The following GTF2H5 variants were observed in gnomAD, a reference collection of about 807,000 sequenced individuals.
The protein encoded by GTF2H5 is general transcription factor IIH subunit 5, also known as TFB5 ortholog.
Under a neutral mutation model 7.1 loss-of-function variants are expected in GTF2H5, and 5 were observed. The ratio of observed to expected loss-of-function variants is 0.71; its 90% CI spans 0.37 to 1.49. The LOEUF is 1.49. Ranked by LOEUF, GTF2H5 falls within the 40% of genes most tolerant of loss-of-function variation. The pLI is 0.03. For missense variants in GTF2H5, 80 were observed against 83.0 expected (o/e 0.96, Z 0.14); for synonymous variants, 30 against 31.7 (o/e 0.95, Z 0.18).
At chr6:158,181,557 G>A (rs908282832) in intron 2 of GTF2H5, among the ~76,000 whole-genome samples, 1 of 152,192 alleles carries the variant, frequency 6.6e-6, no homozygotes, top group African/African-American at 2.4e-5. Flanking sequence ...GGGTCCCCCT[G>A]TATTGGGTGC....
chr6:158,174,583 A>G (rs954849828), intron 2 of GTF2H5, among the ~76,000 whole-genome samples: 1 of 152,232 alleles, frequency 6.6e-6, no homozygotes, highest in African/African-American at 2.4e-5. Flanking sequence ...TCCACCATCA[A>G]TTGCCAGGCT....
Position 158,197,534 on chromosome 6 carries a change from TC to T in GTF2H5, c.*5378del, listed in dbSNP as rs1777132182. 6.6e-6 allele frequency: 1 copy of T among 152,174 alleles called. No individual in the cohort carries two copies. The highest frequency in any genetic ancestry group is 1.5e-5 in the Non-Finnish European group (1 of 68,034). 9.4% of individuals were successfully genotyped at this position (152,174 alleles called of 1,614,324 possible). ...CCCAGTCACAGCAAGAGCAGATTGA[TC>T]AAGAGCAAAGGTCATGGTAACAGTT... On this transcript the variant is annotated 3_prime_UTR_variant, in exon 3 of 3. Coordinates refer to ENST00000607778, the MANE Select transcript of GTF2H5 (RefSeq NM_207118.3).
chr6:158,192,322 G>A lies in GTF2H5; in HGVS notation c.*165G>A, dbSNP rs1328607474. ...TGTTCAGAAAAAAAGCCCCTGAACT[G>A]ATTTTGTTACCATAGAATTTAAAAA... On this transcript the variant is annotated 3_prime_UTR_variant, in exon 3 of 3. Coordinates refer to ENST00000607778, the MANE Select transcript of GTF2H5 (RefSeq NM_207118.3). 1 of 575,874 alleles carries A rather than the reference G, an allele frequency of 1.7e-6. No individual in the cohort carries two copies. The highest frequency in any genetic ancestry group is 3.0e-5 in the East Asian group (1 of 33,824). The allele number at this position is 575,874 out of a possible 1,614,324, so 35.7% of individuals were successfully genotyped here. A position where few individuals can be genotyped will look rare whatever the true frequency, so the allele number is the denominator to read the frequency against.
chr6:158,171,342 A>C (rs1785853822), intron 2 of GTF2H5, among the ~76,000 whole-genome samples: 2 of 152,226 alleles, frequency 1.3e-5, no homozygotes, highest in Admixed American at 1.3e-4. Context: ...TTCATCTTCA[A>C]AGTCGAATGG....
At chr6:158,175,319 C>A (rs1309442063) in intron 2 of GTF2H5, among the ~76,000 whole-genome samples, 1 of 152,182 alleles carries the variant, frequency 6.6e-6, no homozygotes, top group Non-Finnish European at 1.5e-5. Flanking sequence ...AATGAGGAGG[C>A]TGTTGTCTTC....
intron 2 of GTF2H5, chr6:158,190,950 A>G (rs753235042): frequency 5.8e-6 from 3 of 515,418 alleles, no homozygotes; most frequent in African/African-American, 1.9e-5. Flanking sequence ...AAGAAATTGT[A>G]TCCCTCTTTT....
chr6:158,174,945 AGCCT>A (rs1785908961), intron 2 of GTF2H5, among the ~76,000 whole-genome samples: 1 of 151,684 alleles, frequency 6.6e-6, no homozygotes, highest in South Asian at 2.1e-4. Flanking sequence ...ATCTTTTCTC[AGCCT>A]TTGCCTCTTA....
Position 158,194,697 on chromosome 6 carries a change from C to G in GTF2H5, c.*2540C>G, listed in dbSNP as rs192341195. On this transcript the variant is annotated 3_prime_UTR_variant, in exon 3 of 3. Transcript: ENST00000607778. ...GGGGTGGGTAAGGAGTCCTTGATGT[C>G]CTGTAAATGAAGGAACCAAATGGAG... 1 of 152,162 alleles carries G rather than the reference C, an allele frequency of 6.6e-6. No individual in the cohort carries two copies. The highest frequency in any genetic ancestry group is 6.5e-5 in the Admixed American group (1 of 15,282). The allele number at this position is 152,162 out of a possible 1,614,324, so 9.4% of individuals were successfully genotyped here.
intron 2 of GTF2H5, among the ~76,000 whole-genome samples, chr6:158,183,958 A>G (rs1358720614): frequency 6.6e-6 from 1 of 152,222 alleles, no homozygotes; most frequent in Non-Finnish European, 1.5e-5. Context: ...TCAGTTGGAA[A>G]TGCAGAAATC....
chr6:158,191,946 C>G, intron 2 of GTF2H5, 31 bp from the exon 3 acceptor site: 1 of 1,568,560 alleles, frequency 6.4e-7, no homozygotes, highest in Non-Finnish European at 8.8e-7. Flanking sequence ...TGACAACAAG[C>G]TGTCTTACAA....
At position 158,193,370 on chromosome 6, in the gene GTF2H5, G is replaced by A. The variant is rs12207483; in HGVS notation, c.*1213G>A. 0.021 allele frequency: 3,250 copies of A among 152,202 alleles called. 51 individuals are homozygous for A. Among genetic ancestry groups the A allele is most frequent in the Non-Finnish European group, 0.03 (2,054 of 68,020 alleles). The allele number at this position is 152,202 out of a possible 1,614,324, so 9.4% of individuals were successfully genotyped here. On this transcript the variant is annotated 3_prime_UTR_variant, in exon 3 of 3. Coordinates refer to ENST00000607778, the MANE Select transcript of GTF2H5 (RefSeq NM_207118.3). ...AGGCAAAAACAGTAACACTGAGAGG[G>A]GCTTTGCTTCCCTTCCTGAAGATCA...
intron 2 of GTF2H5, among the ~76,000 whole-genome samples, chr6:158,173,353 A>C (rs1169720783): frequency 6.6e-6 from 1 of 152,194 alleles, no homozygotes; most frequent in Non-Finnish European, 1.5e-5. Flanking sequence ...TTTTGGGCCT[A>C]AGAAATAACA....
intron 1 of GTF2H5, among the ~76,000 whole-genome samples, chr6:158,169,301 ATAAT>A (rs1479820606): frequency 8.2e-6 from 1 of 122,404 alleles, no homozygotes; most frequent in Admixed American, 1.1e-4. Flanking sequence ...TATTTTATAT[ATAAT>A]ATATAATATG....
At chr6:158,187,626 G>A (rs768441339) in intron 2 of GTF2H5, among the ~76,000 whole-genome samples, 6 of 152,036 alleles carry the variant, frequency 3.9e-5, no homozygotes, top group Non-Finnish European at 7.4e-5. Context: ...GGAGTTCAGT[G>A]GCGCGATCTT....
rs1785750296 is a variant in GTF2H5 at position 158,169,507 on chromosome 6, T to TTGTATATTATATATAATATAC, written c.-34-962_-34-942dup. ...AATATATTGTATATTATATAATATATTGTATATTATATATAATATACAGTA... is the reference window on the plus strand; with the variant it reads ...AATATATTGTATATTATATAATATATTGTATATTATATATAATATACTGTATATTATATATAATATACAGTA... On this transcript the variant is annotated intron_variant, in intron 1 of 2. Coordinates refer to ENST00000607778, the MANE Select transcript of GTF2H5 (RefSeq NM_207118.3). Among the ~76,000 whole-genome samples, 32 of 57,944 alleles carry TTGTATATTATATATAATATAC rather than the reference T, an allele frequency of 5.5e-4. 1 individual carries two copies. The highest frequency in any genetic ancestry group is 2.4e-3 in the African/African-American group (30 of 12,460). 38.0% of individuals were successfully genotyped at this position (57,944 alleles called of 152,430 possible).
intron 2 of GTF2H5, chr6:158,191,007 T>A: frequency 2.1e-6 from 1 of 481,892 alleles, no homozygotes; most frequent in South Asian, 1.5e-5. Flanking sequence ...CACAAGTTAA[T>A]AAAATTGAAT....
Position 158,192,172 on chromosome 6 carries a change from G to T in GTF2H5, c.*15G>T, listed in dbSNP as rs763132486. On this transcript the variant is annotated 3_prime_UTR_variant, in exon 3 of 3. Coordinates refer to ENST00000607778, the MANE Select transcript of GTF2H5 (RefSeq NM_207118.3). ...CCCAGAAATGAAAATACTCAATATGGACCATTTAGGAATTATAAGCAGCAA... is the reference window on the plus strand; with the variant it reads ...CCCAGAAATGAAAATACTCAATATGTACCATTTAGGAATTATAAGCAGCAA... The T allele has an allele frequency of 3.8e-6, 6 of 1,594,850 alleles. No homozygotes were observed. In the East Asian group the frequency reaches 1.1e-4, roughly 30 times the overall value.
chr6:158,187,215 C>G (rs1485671804), intron 2 of GTF2H5, among the ~76,000 whole-genome samples: 1 of 151,874 alleles, frequency 6.6e-6, no homozygotes, highest in Non-Finnish European at 1.5e-5. Context: ...AGGCTGGTCT[C>G]GAACTCCTGA....
At chr6:158,182,250 A>G (rs1786020936) in intron 2 of GTF2H5, among the ~76,000 whole-genome samples, 1 of 152,236 alleles carries the variant, frequency 6.6e-6, no homozygotes, top group South Asian at 2.1e-4. Context: ...ATCCGCTGTT[A>G]GTCTGATGGG....
Sources: allele counts gnomAD v4.1 joint callset (sites outside exome capture counted in the v4.1 genomes callset), GRCh38; gene constraint gnomAD v4.1.1; transcripts MANE v1.5; gene names NCBI Gene and HGNC (gene_info 2026-07-23, HGNC 2026-07-21).